Variants in ZC3H7A observed in about 807,000 individuals in gnomAD.
ZC3H7A encodes zinc finger CCCH-type containing 7A.
ZC3H7A carries 44 observed loss-of-function variants against 125.5 expected under a neutral mutation model. That is an observed-to-expected ratio of 0.35 (90% CI 0.28 to 0.45). The LOEUF (loss-of-function observed/expected upper bound fraction) is 0.45, where lower values mean the gene tolerates loss of function less well. ZC3H7A is among the 20% of genes least tolerant of loss of function. The probability of loss-of-function intolerance (pLI) is 1.00; values close to 1 mark genes in which losing one functional copy is unlikely to be tolerated. For missense variants in ZC3H7A, 977 were observed against 1,170.7 expected (o/e 0.83, Z 2.41); for synonymous variants, 399 against 391.2 (o/e 1.02, Z -0.23).
At chr16:11,774,860 T>G in intron 8 of ZC3H7A, 120 bp downstream of exon 8, 1 of 1,193,910 alleles carries the variant, frequency 8.4e-7, no homozygotes, top group Non-Finnish European at 1.2e-6. Flanking sequence ...CACTTTCATA[T>G]TAATACATTA....
intron 1 of ZC3H7A, among the ~76,000 whole-genome samples, chr16:11,791,494 T>C (rs1293076547): frequency 1.3e-5 from 2 of 152,172 alleles, no homozygotes; most frequent in Non-Finnish European, 2.9e-5. Flanking sequence ...TCTTATTCAC[T>C]TCAGCAGGTA....
At chr16:11,785,655 T>TGG (rs2053246287) in intron 1 of ZC3H7A, among the ~76,000 whole-genome samples, 1 of 152,018 alleles carries the variant, frequency 6.6e-6, no homozygotes, top group South Asian at 2.1e-4. Context: ...GAGTCTCACT[T>TGG]GTCACGCAGG....
intron 16 of ZC3H7A, 84 bp from the exon 17 acceptor site, chr16:11,762,831 C>A (rs907354827): frequency 1.0e-5 from 13 of 1,283,280 alleles, no homozygotes; most frequent in Non-Finnish European, 1.2e-5. Context: ...CGTGGAGAAC[C>A]TTCAGCTTCC....
rs777704103 is a variant in ZC3H7A at position 11,751,370 on chromosome 16, G to A, written c.2863C>T (p.Pro955Ser). The A allele has an allele frequency of 6.2e-7, 1 of 1,613,650 alleles. No individual in the cohort carries two copies. Among genetic ancestry groups the A allele is most frequent in the Non-Finnish European group, 8.5e-7 (1 of 1,179,926 alleles). ...NKARKDHLIG[P>S]NDNDFGKYSF... is the part of the protein sequence containing the mutation. ...TATTTTCCAAAGTCATTATCATTTG[G>A]GCCAATTAAGTGATCTTTTCGTGCT... Residue 955 changes from proline (P) to serine (S), a missense_variant, in exon 23 of 23, where the codon CCA becomes TCA. Transcript: ENST00000355758.
intron 1 of ZC3H7A, among the ~76,000 whole-genome samples, chr16:11,793,498 A>C (rs897255855): frequency 6.9e-6 from 1 of 145,348 alleles, no homozygotes; most frequent in Non-Finnish European, 1.5e-5. Flanking sequence ...ATGCCACTAT[A>C]CTCCAACCTG....
chr16:11,790,610 G>C (rs1195382701), intron 1 of ZC3H7A, among the ~76,000 whole-genome samples: 1 of 151,974 alleles, frequency 6.6e-6, no homozygotes, highest in East Asian at 1.9e-4. Context: ...CACGATCTCG[G>C]CTCATTGCAA....
At position 11,762,711 on chromosome 16, in the gene ZC3H7A, C is replaced by T. The variant is rs778450269; in HGVS notation, c.2039G>A (p.Arg680Gln). ...SHDAIAQESK[R>Q]YWQNLEANVP... ...ATTTGCTTCCAAATTCTGCCAATAT[C>T]GTTTAGACTCTTGAGCAATAGCATC... is the stretch of plus-strand genomic sequence containing the variant. Residue 680 changes from arginine to glutamine, a missense_variant, in exon 17 of 23, where the codon CGA (arginine) becomes CAA (glutamine). Transcript: ENST00000355758. 2.5e-6 allele frequency: 4 copies of T among 1,613,764 alleles called. No individual in the cohort carries two copies. The highest frequency in any genetic ancestry group is 2.2e-5 in the South Asian group (2 of 91,080).
chr16:11,770,824 C>T lies in ZC3H7A; in HGVS notation c.1067G>A (p.Cys356Tyr), dbSNP rs757082053. ...PPLTSSLEDF[C>Y]SSLNSFSMSE... ...CATTGAAAATGAATTTAAAGAAGAA[C>T]AAAAATCTTCTAAGGATGAAGTCAA... is the stretch of plus-strand genomic sequence containing the variant. The change falls in exon 10 of 23, where the codon TGT becomes TAT. Residue 356 changes from cysteine (C) to tyrosine (Y), a missense_variant. Around this residue, in one of 3 missense-constraint regions of ZC3H7A, gnomAD observed 342 missense variants for 311.3 expected, o/e 1.10. Coordinates refer to ENST00000355758, the MANE Select transcript of ZC3H7A (RefSeq NM_014153.4). 1 of 1,613,804 alleles carries T rather than the reference C, an allele frequency of 6.2e-7. No individual in the cohort carries two copies. Among genetic ancestry groups the T allele is most frequent in the African/African-American group, 1.3e-5 (1 of 74,858 alleles).
At position 11,779,318 on chromosome 16, in the gene ZC3H7A, C is replaced by A. The variant is rs1332759838; in HGVS notation, c.154G>T (p.Asp52Tyr). 3 of 1,613,976 alleles carry A rather than the reference C, an allele frequency of 1.9e-6. No individual in the cohort carries two copies. Among genetic ancestry groups the A allele is most frequent in the Non-Finnish European group, 2.5e-6 (3 of 1,179,984 alleles). ...LVRNLFNEGN[D>Y]VYREHDWNNS... The stretch of plus-strand genomic sequence containing the variant: ...TTCCAATCATGTTCCCGATAAACGT[C>A]ATTTCCTTCATTAAAAAGATTTCTC... Residue 52 changes from aspartate to tyrosine, a missense_variant, in exon 4 of 23, where the codon GAC becomes TAC. Around this residue, in one of 3 missense-constraint regions of ZC3H7A, gnomAD observed 199 missense variants for 256.1 expected, o/e 0.78. Transcript: ENST00000355758.
At chr16:11,771,022 G>A (rs916244777) in intron 9 of ZC3H7A, 35 bp from the exon 10 acceptor site, 9 of 1,573,258 alleles carry the variant, frequency 5.7e-6, no homozygotes, top group Non-Finnish European at 7.8e-6. Flanking sequence ...TAAAATTCAT[G>A]AAGCTGTCAT....
intron 8 of ZC3H7A, 136 bp downstream of exon 8, chr16:11,774,844 C>G (rs947251469): frequency 4.5e-6 from 5 of 1,110,296 alleles, no homozygotes; most frequent in African/African-American, 3.2e-5. Context: ...CATTGGAAAT[C>G]ATTTTCACTT....
At chr16:11,797,051 G>A (rs1293388271) in intron 1 of ZC3H7A, 73 bp downstream of exon 1, 1 of 135,326 alleles carries the variant, frequency 7.4e-6, no homozygotes, top group African/African-American at 2.6e-5. Flanking sequence ...ACGAGGCGGC[G>A]GCGCGCGCGG....
intron 1 of ZC3H7A, among the ~76,000 whole-genome samples, chr16:11,784,933 C>T (rs1382557022): frequency 1.3e-5 from 2 of 149,698 alleles, no homozygotes; most frequent in African/African-American, 5.0e-5. Flanking sequence ...CTGAGGTGGG[C>T]AGATCACCTG....
rs775029799 is a variant in ZC3H7A, at chr16:11,779,315, C to A, written c.157G>T (p.Val53Phe). The change falls in exon 4 of 23, where the codon GTT (valine) becomes TTT (phenylalanine). Residue 53 changes from valine to phenylalanine, a missense_variant. Around this residue, in one of 3 missense-constraint regions of ZC3H7A, gnomAD observed 199 missense variants for 256.1 expected, o/e 0.78. Coordinates refer to ENST00000355758, the MANE Select transcript of ZC3H7A (RefSeq NM_014153.4). ...TTGTTCCAATCATGTTCCCGATAAACGTCATTTCCTTCATTAAAAAGATTT... is the reference window on the plus strand; with the variant it reads ...TTGTTCCAATCATGTTCCCGATAAAAGTCATTTCCTTCATTAAAAAGATTT... ...VRNLFNEGND[V>F]YREHDWNNSI... The A allele has an allele frequency of 6.2e-7, 1 of 1,613,870 alleles. No homozygotes were observed. The highest frequency in any genetic ancestry group is 1.1e-5 in the South Asian group (1 of 91,034).
chr16:11,762,335 GA>G (rs2052766520), intron 17 of ZC3H7A, among the ~76,000 whole-genome samples: 1 of 151,926 alleles, frequency 6.6e-6, no homozygotes, highest in Non-Finnish European at 1.5e-5. Flanking sequence ...GAGAGCAATG[GA>G]AAAACGAGAC....
chr16:11,760,122 GA>G (rs66812605), intron 19 of ZC3H7A, among the ~76,000 whole-genome samples: 31,579 of 82,386 alleles, frequency 0.38, 3,545 homozygotes, highest in Admixed American at 0.44. Context: ...AAGAAAAAAT[GA>G]AAAAAAAAAA....
chr16:11,760,906 A>T lies in ZC3H7A; in HGVS notation c.2319+500T>A, dbSNP rs7202705. On this transcript the variant is annotated intron_variant, in intron 19 of 22. Coordinates refer to ENST00000355758, the MANE Select transcript of ZC3H7A (RefSeq NM_014153.4). Reference sequence around the variant, plus strand: ...TAGTATTTTCTAGTTTTTGAAGAACATGTTCCTCTAACATTGAACATTTTT... The same window carrying T: ...TAGTATTTTCTAGTTTTTGAAGAACTTGTTCCTCTAACATTGAACATTTTT... Among the ~76,000 whole-genome samples the T allele has an allele frequency of 8.0e-3, 1,212 of 152,342 alleles. 19 individuals carry two copies. Among genetic ancestry groups the T allele is most frequent in the African/African-American group, 0.028 (1,150 of 41,570 alleles).
rs141570989 is a variant in ZC3H7A, at chr16:11,777,670, G to A, written c.307-761C>T. On this transcript the variant is annotated intron_variant, in intron 4 of 22. Transcript: ENST00000355758. ...CAGGAGACAGAGGATACAGTAAGCC[G>A]AGATTGTGCCACTGCATTACAGCCT... Among the ~76,000 whole-genome samples the A allele has an allele frequency of 2.7e-4, 41 of 152,118 alleles. No homozygotes were observed. The East Asian group carries it at 5.8e-3, about 22-fold the overall frequency.
chr16:11,796,961 G>A (rs990762215), intron 1 of ZC3H7A, 163 bp downstream of exon 1: 122 of 148,364 alleles, frequency 8.2e-4, no homozygotes, highest in Middle Eastern at 3.5e-3. Flanking sequence ...TCCTCTCAGG[G>A]TCCTCTCGGG....
Sources: gnomAD v4.1 joint callset for allele counts (sites outside exome capture counted in the v4.1 genomes callset) on GRCh38, gnomAD v4.1.1 for gene constraint, gnomAD v4.1.1 regional missense constraint, MANE v1.5 for transcripts, NCBI Gene and HGNC (gene_info 2026-07-23, HGNC 2026-07-21) for gene names.